SPATA22: variants seen among roughly 807,000 people sequenced by gnomAD.
SPATA22 encodes spermatogenesis associated 22, also known as spermatogenesis-associated protein 22.
SPATA22 carries 29 observed loss-of-function variants against 47.8 expected under a neutral mutation model. The observed-to-expected ratio is 0.61, with a 90% CI of 0.45 to 0.83. The LOEUF is 0.83. SPATA22 is among the 40% of genes least tolerant of loss of function. SPATA22 has a pLI of 0.00. For synonymous variants in SPATA22, 133 were observed against 140.9 expected (o/e 0.94, Z 0.40); for missense variants, 410 against 421.7 (o/e 0.97, Z 0.24).
intron 1 of SPATA22, chr17:3,511,135 C>CA (rs1240865578): frequency 6.6e-6 from 1 of 152,182 alleles, no homozygotes; most frequent in Non-Finnish European, 1.5e-5. Context: ...CTGATAGACC[C>CA]ACGGGTTCAA....
rs940543792 is a variant in SPATA22, at chr17:3,488,511, G to A, written c.-73-19113C>T. On this transcript the variant is annotated intron_variant, in intron 1 of 8. Coordinates refer to the SPATA22 transcript ENST00000541913. The surrounding 1 kb of genome is among the most constrained non-coding windows in gnomAD (Gnocchi z 6.1). Reference sequence around the variant, plus strand: ...GCCTCTACTAAAAATATAAAAATAAGCCAGGAATGGTGGCCCGTGCCTGTA... The same window carrying A: ...GCCTCTACTAAAAATATAAAAATAAACCAGGAATGGTGGCCCGTGCCTGTA... Among the ~76,000 whole-genome samples the A allele has an allele frequency of 6.6e-6, 1 of 152,088 alleles. No individual in the cohort carries two copies. The highest frequency in any genetic ancestry group is 2.4e-5 in the African/African-American group (1 of 41,408).
At chr17:3,465,281 C>A (rs1010435266) in intron 3 of SPATA22, among the ~76,000 whole-genome samples, 7 of 150,714 alleles carry the variant, frequency 4.6e-5, no homozygotes, top group Non-Finnish European at 1.0e-4. Flanking sequence ...GGAGGTGTGC[C>A]CAACAGCTCA....
intron 1 of SPATA22, among the ~76,000 whole-genome samples, chr17:3,498,562 G>A (rs2073946695): frequency 6.6e-6 from 1 of 152,080 alleles, no homozygotes; most frequent in Non-Finnish European, 1.5e-5. Context: ...GCCCAGGCTG[G>A]TTTTGAACTC....
At chr17:3,441,497 C>A (rs138030039) in intron 8 of SPATA22, 1 of 151,894 alleles carries the variant, frequency 6.6e-6, no homozygotes, top group African/African-American at 2.4e-5. Context: ...TAAAAAAGAT[C>A]GACAATACTA....
intron 5 of SPATA22, among the ~76,000 whole-genome samples, chr17:3,452,453 A>C (rs895961526): frequency 6.6e-6 from 1 of 151,874 alleles, no homozygotes; most frequent in African/African-American, 2.4e-5. Flanking sequence ...TTAGCTGGGC[A>C]TGGTGGGGCA....
In SPATA22 at chr17:3,448,999, T is replaced by C; in HGVS notation, c.480A>G (p.Ile160Met). Residue 160 changes from isoleucine (I) to methionine (M), a missense_variant, in exon 6 of 9, where the codon ATA becomes ATG. Coordinates refer to ENST00000572969, the MANE Select transcript of SPATA22 (RefSeq NM_001170698.2). Reference sequence around the variant, plus strand: ...TGCGAGATAAGTTAGGAGGTTCAGGTATTCTTAATTGTTTTTGTTGTTGAG... The same window carrying C: ...TGCGAGATAAGTTAGGAGGTTCAGGCATTCTTAATTGTTTTTGTTGTTGAG... Reference protein sequence around the residue: ...SGAQQQKQLRIPEPPNLSRNK... With the variant: ...SGAQQQKQLRMPEPPNLSRNK... 6.2e-7 allele frequency: 1 copy of C among 1,614,016 alleles called. No homozygotes were observed.
At chr17:3,479,525 A>G (rs767806685) in intron 1 of SPATA22, among the ~76,000 whole-genome samples, 2 of 152,222 alleles carry the variant, frequency 1.3e-5, no homozygotes, top group African/African-American at 4.8e-5. Context: ...GAGCGGCCAC[A>G]TGATATCATC....
In SPATA22 at chr17:3,440,147, T is replaced by G; in HGVS notation, c.1092A>C (p.Ter364TyrextTer9). 6.5e-7 allele frequency: 1 copy of G among 1,537,724 alleles called. No homozygotes were observed. The highest frequency in any genetic ancestry group is 1.3e-5 in the South Asian group (1 of 79,264). ...ATGCTAAACTTCCTTTTATCACTAC[T>G]TAAGTTTCATTCATCACATTAATAT... is the stretch of plus-strand genomic sequence containing the variant. ...QYYINVMNET* is the reference protein window; with the variant it reads ...QYYINVMNETY The change falls in exon 9 of 9, where the codon TAA becomes TAC. Residue 364 changes from the stop codon to tyrosine (Y), a stop_lost. Coordinates refer to ENST00000572969, the MANE Select transcript of SPATA22 (RefSeq NM_001170698.2).
At chr17:3,486,021 C>T (rs971861076) in intron 1 of SPATA22, among the ~76,000 whole-genome samples, 2 of 151,870 alleles carry the variant, frequency 1.3e-5, no homozygotes, top group African/African-American at 4.8e-5. Flanking sequence ...CAACCTCCGC[C>T]TCCTGGGTTT....
At chr17:3,467,605 C>A in intron 2 of SPATA22, 51 bp from the exon 3 acceptor site, 1 of 1,484,708 alleles carries the variant, frequency 6.7e-7, no homozygotes, top group Non-Finnish European at 9.1e-7. Flanking sequence ...ATAAGCAGAT[C>A]TAGTTGTAAA....
At chr17:3,457,517 T>C (rs1036166779) in intron 5 of SPATA22, among the ~76,000 whole-genome samples, 2 of 152,078 alleles carry the variant, frequency 1.3e-5, no homozygotes, top group Non-Finnish European at 2.9e-5. Context: ...AGACTCTGAA[T>C]AGCCAAAACA....
At chr17:3,505,766 TTTTG>T (rs139968229) in intron 1 of SPATA22, among the ~76,000 whole-genome samples, 67,663 of 107,560 alleles carry the variant, frequency 0.63, 17,443 homozygotes, top group South Asian at 0.76. Flanking sequence ...GTTTTTTTTT[TTTTG>T]TTTTTGAGAC....
In SPATA22 at chr17:3,451,499, G is replaced by T. The variant is rs370937703; in HGVS notation, c.330-2350C>A. On this transcript the variant is annotated intron_variant, in intron 5 of 8. Coordinates refer to ENST00000572969, the MANE Select transcript of SPATA22 (RefSeq NM_001170698.2). ...TGGAATTTGCCAACCAACAGCAGAA[G>T]ACTACACATTCTTCTCAAGCACAGA... Among the ~76,000 whole-genome samples, 62 of 152,260 alleles carry T rather than the reference G, an allele frequency of 4.1e-4. No homozygotes were observed. In the South Asian group the frequency reaches 0.013, roughly 32 times the overall value.
In SPATA22 at chr17:3,505,260, C is replaced by G. The variant is rs139066236; in HGVS notation, c.-74+8152G>C. Among the ~76,000 whole-genome samples the G allele has an allele frequency of 1.4e-4, 22 of 152,158 alleles. 1 individual carries two copies. Among genetic ancestry groups the G allele is most frequent in the Admixed American group, 1.4e-3 (22 of 15,274 alleles). ...TTGCAACCGTAATGCTTTATGACAC[C>G]GGGGCAGGTGAAGTTATTGTCTGTC... On this transcript the variant is annotated intron_variant, in intron 1 of 8. Transcript: ENST00000541913.
At position 3,489,745 on chromosome 17, in the gene SPATA22, A is replaced by G. The variant is rs567131990; in HGVS notation, c.-73-20347T>C. 2.6e-5 allele frequency among the ~76,000 whole-genome samples: 4 copies of G among 152,340 alleles called. No individual in the cohort carries two copies. In the South Asian group the frequency reaches 8.3e-4, roughly 32 times the overall value. ...TGTAGGAAAAGGGGAAACTCTCATTACCTGCTGGTGAACATATAAGTGAAC... is the reference window on the plus strand; with the variant it reads ...TGTAGGAAAAGGGGAAACTCTCATTGCCTGCTGGTGAACATATAAGTGAAC... On this transcript the variant is annotated intron_variant, in intron 1 of 8. Coordinates refer to the SPATA22 transcript ENST00000541913.
rs974368086 is a variant in SPATA22 at position 3,499,161 on chromosome 17, G to A, written c.-74+14251C>T. On this transcript the variant is annotated intron_variant, in intron 1 of 8. Transcript: ENST00000541913. Reference sequence around the variant, plus strand: ...AGTCTGTAAGCTCCTTAAGAGTAGGGTTGTGCCTTATTCAACTGCATACAT... The same window carrying A: ...AGTCTGTAAGCTCCTTAAGAGTAGGATTGTGCCTTATTCAACTGCATACAT... The A allele has an allele frequency of 1.2e-5, 19 of 1,522,222 alleles. No homozygotes were observed. The African/African-American group carries it at 2.2e-4, about 18-fold the overall frequency. The allele number at this position is 1,522,222 out of a possible 1,614,324, so 94.3% of individuals were successfully genotyped here.
rs2073142348 is a variant in SPATA22, at chr17:3,462,405, A to G, written c.329+78T>C. The G allele has an allele frequency of 3.1e-6, 3 of 955,302 alleles. No individual in the cohort carries two copies. The East Asian group carries it at 7.3e-5, about 23-fold the overall frequency. The allele number at this position is 955,302 out of a possible 1,614,324, so 59.2% of individuals were successfully genotyped here. ...ATTCTGTCTGAGAAACAACGAAGTG[A>G]AGGAGGAGGGAAGAATGAAGAGGAA... On this transcript the variant is annotated intron_variant, in intron 5 of 8. Coordinates refer to ENST00000572969, the MANE Select transcript of SPATA22 (RefSeq NM_001170698.2).
intron 1 of SPATA22, chr17:3,494,248 C>A: frequency 2.4e-6 from 2 of 837,842 alleles, no homozygotes; most frequent in Non-Finnish European, 4.1e-6. Context: ...AGGTGATCCA[C>A]CCAACTCGGC....
chr17:3,442,920 A>G (rs1051860598), intron 8 of SPATA22, among the ~76,000 whole-genome samples: 1 of 151,754 alleles, frequency 6.6e-6, no homozygotes, highest in Non-Finnish European at 1.5e-5. Context: ...GTACCATTCT[A>G]CCTGGGATTA....
Sources: gnomAD v4.1 joint callset for allele counts (sites outside exome capture counted in the v4.1 genomes callset) on GRCh38, gnomAD v4.1.1 for gene constraint, Gnocchi (gnomAD v3.1) non-coding constraint, MANE v1.5 for transcripts, NCBI Gene and HGNC (gene_info 2026-07-23, HGNC 2026-07-21) for gene names.